GMDS: variants seen among roughly 807,000 people sequenced by gnomAD.
The protein encoded by GMDS is GDP-mannose 4,6 dehydratase.
A neutral mutation model predicts 49.9 loss-of-function variants in GMDS; 20 were observed. That is an observed-to-expected ratio of 0.40 (90% CI 0.28 to 0.58). GMDS has a LOEUF of 0.58. Ranked by LOEUF, GMDS falls within the 20% of genes least tolerant of loss-of-function variation. GMDS has a pLI of 0.42. For missense variants in GMDS, 362 were observed against 481.4 expected (o/e 0.75, Z 2.32); for synonymous variants, 177 against 178.6 (o/e 0.99, Z 0.07).
chr6:1,694,375 G>A (rs1022694876), intron 9 of GMDS, among the ~76,000 whole-genome samples: 2 of 152,166 alleles, frequency 1.3e-5, no homozygotes, highest in Admixed American at 1.3e-4. Context: ...GGGTACTACT[G>A]TTGCTTTTGA....
chr6:2,123,189 C>T (rs1047946096), intron 2 of GMDS, among the ~76,000 whole-genome samples: 1 of 152,180 alleles, frequency 6.6e-6, no homozygotes, highest in Admixed American at 6.5e-5. Context: ...TCCAAACTCG[C>T]CCTGTCACTG....
chr6:2,215,733 A>T (rs1402532641), intron 1 of GMDS, among the ~76,000 whole-genome samples: 2 of 152,144 alleles, frequency 1.3e-5, no homozygotes, highest in Non-Finnish European at 2.9e-5. Flanking sequence ...AGAGACATTG[A>T]CCAATTTAAT....
At chr6:2,238,341 C>G (rs1163313278) in intron 1 of GMDS, among the ~76,000 whole-genome samples, 3 of 152,132 alleles carry the variant, frequency 2.0e-5, no homozygotes, top group African/African-American at 7.2e-5. Context: ...TATGATTGCA[C>G]CACTGCACTT....
chr6:1,996,333 A>G (rs1370655244), intron 4 of GMDS, among the ~76,000 whole-genome samples: 1 of 152,026 alleles, frequency 6.6e-6, no homozygotes, highest in Non-Finnish European at 1.5e-5. Context: ...GTACCTTTTT[A>G]AGAGACAGGG....
chr6:2,090,380 G>A (rs550451967), intron 4 of GMDS, among the ~76,000 whole-genome samples: 3 of 152,200 alleles, frequency 2.0e-5, no homozygotes, highest in East Asian at 3.9e-4. Flanking sequence ...AGGTTAACAA[G>A]TTTATCTGAC....
chr6:1,810,725 A>C (rs1371916757), intron 7 of GMDS, among the ~76,000 whole-genome samples: 2 of 152,168 alleles, frequency 1.3e-5, no homozygotes, highest in Admixed American at 1.3e-4. Context: ...CAGCCAAAGG[A>C]GATGACTGGA....
intron 1 of GMDS, among the ~76,000 whole-genome samples, chr6:2,230,855 A>G (rs1781055821): frequency 6.7e-6 from 1 of 150,122 alleles, no homozygotes; most frequent in Non-Finnish European, 1.5e-5. Flanking sequence ...ATGTATTATT[A>G]CTTCTCCTCA....
intron 7 of GMDS, among the ~76,000 whole-genome samples, chr6:1,835,483 AAC>A (rs759146079): frequency 5.9e-5 from 9 of 152,248 alleles, no homozygotes; most frequent in Non-Finnish European, 1.2e-4. Flanking sequence ...AATAATGTGA[AAC>A]AGAGTTTACA....
At chr6:2,134,349 C>T (rs2127521301) in intron 1 of GMDS, among the ~76,000 whole-genome samples, 1 of 152,316 alleles carries the variant, frequency 6.6e-6, no homozygotes, top group South Asian at 2.1e-4. Context: ...AAAATCTCTA[C>T]TCAGTGGTAC....
chr6:1,881,379 C>G (rs1402514306), intron 7 of GMDS, among the ~76,000 whole-genome samples: 1 of 151,708 alleles, frequency 6.6e-6, no homozygotes, highest in South Asian at 2.1e-4. Context: ...TTCCTCTCCC[C>G]CAAAAAATCA....
intron 4 of GMDS, among the ~76,000 whole-genome samples, chr6:2,053,955 C>A (rs1770633506): frequency 6.6e-6 from 1 of 152,018 alleles, no homozygotes; most frequent in Non-Finnish European, 1.5e-5. Context: ...GTTAGCAGGT[C>A]AAATGTTTCA....
chr6:1,982,183 G>A lies in GMDS; in HGVS notation c.346-21217C>T, dbSNP rs150711464. On this transcript the variant is annotated intron_variant, in intron 4 of 10. Coordinates refer to ENST00000380815, the MANE Select transcript of GMDS (RefSeq NM_001500.4). ...TAGCCAGGCGTGGTGGTAGGTGTCT[G>A]TAATCCTAGCTACTTGGTAGGCTGA... is the stretch of plus-strand genomic sequence containing the variant. 1.4e-3 allele frequency among the ~76,000 whole-genome samples: 209 copies of A among 152,230 alleles called. 1 individual carries two copies. The highest frequency in any genetic ancestry group is 4.9e-3 in the African/African-American group (202 of 41,532).
At chr6:2,236,500 T>C (rs142592335) in intron 1 of GMDS, among the ~76,000 whole-genome samples, 1,862 of 152,290 alleles carry the variant, frequency 0.012, 16 homozygotes, top group Non-Finnish European at 0.02. Context: ...TGCAGGTCTC[T>C]TGCAACAAAG....
chr6:1,877,630 C>T (rs1399512312), intron 7 of GMDS, among the ~76,000 whole-genome samples: 1 of 140,594 alleles, frequency 7.1e-6, no homozygotes, highest in Non-Finnish European at 1.5e-5. Context: ...AGAGTGAGAC[C>T]CCATCTCAAA....
chr6:1,900,486 C>T (rs1270834101), intron 7 of GMDS, among the ~76,000 whole-genome samples: 1 of 152,154 alleles, frequency 6.6e-6, no homozygotes, highest in African/African-American at 2.4e-5. Context: ...AGAGCCCCTG[C>T]TGTTAAGTCT....
intron 7 of GMDS, among the ~76,000 whole-genome samples, chr6:1,774,014 A>G (rs975273290): frequency 1.3e-5 from 2 of 152,208 alleles, no homozygotes; most frequent in African/African-American, 4.8e-5. Context: ...AACTATTTGA[A>G]GCCAAACATG....
chr6:2,201,159 C>T (rs1779512060), intron 1 of GMDS, among the ~76,000 whole-genome samples: 1 of 127,560 alleles, frequency 7.8e-6, no homozygotes, highest in Non-Finnish European at 1.6e-5. Context: ...ACCATCTAGG[C>T]AGTGAGGGCA....
intron 1 of GMDS, among the ~76,000 whole-genome samples, chr6:2,137,008 CTT>C (rs1184085310): frequency 6.6e-6 from 1 of 151,810 alleles, no homozygotes; most frequent in Non-Finnish European, 1.5e-5. Flanking sequence ...CTAATTAACT[CTT>C]GTGTCAAGTC....
chr6:2,057,354 A>G (rs554217669), intron 4 of GMDS, among the ~76,000 whole-genome samples: 65 of 152,266 alleles, frequency 4.3e-4, no homozygotes, highest in African/African-American at 1.5e-3. Flanking sequence ...TGAATGAACA[A>G]ATTCTTCCTC....
Sources: gnomAD v4.1 joint callset for allele counts (sites outside exome capture counted in the v4.1 genomes callset) on GRCh38, gnomAD v4.1.1 for gene constraint, MANE v1.5 for transcripts, NCBI Gene and HGNC (gene_info 2026-07-23, HGNC 2026-07-21) for gene names.